Variants in CUL5 observed in about 807,000 individuals in gnomAD.
CUL5 encodes cullin-5.
In CUL5, 26 loss-of-function variants were observed where a neutral mutation model predicts 108.8. That is an observed-to-expected ratio of 0.24 (90% CI 0.18 to 0.33). The LOEUF (loss-of-function observed/expected upper bound fraction) is 0.33. CUL5 is among the 10% of genes least tolerant of loss of function. The pLI is 1.00. For synonymous variants in CUL5, 334 were observed against 298.0 expected (o/e 1.12, Z -1.25); for missense variants, 524 against 909.2 (o/e 0.58, Z 5.45).
chr11:108,012,858 A>C (rs534101163), intron 1 of CUL5, among the ~76,000 whole-genome samples: 1 of 152,086 alleles, frequency 6.6e-6, no homozygotes, highest in Non-Finnish European at 1.5e-5. Context: ...CGGCCACCCA[A>C]AGTGTTGGGA....
intron 11 of CUL5, among the ~76,000 whole-genome samples, chr11:108,081,226 C>T (rs1864074395): frequency 4.0e-5 from 6 of 151,120 alleles, no homozygotes; most frequent in African/African-American, 1.2e-4. Context: ...AGGTGGAGGT[C>T]GCAGTGAGCC....
chr11:108,033,296 T>C (rs956270350), intron 1 of CUL5, among the ~76,000 whole-genome samples: 4 of 152,158 alleles, frequency 2.6e-5, no homozygotes, highest in African/African-American at 9.7e-5. Flanking sequence ...CTTATTCACA[T>C]AGGTGTGATT....
chr11:108,090,728 T>G (rs1422208444), intron 13 of CUL5, among the ~76,000 whole-genome samples: 1 of 152,130 alleles, frequency 6.6e-6, no homozygotes, highest in South Asian at 2.1e-4. Flanking sequence ...GTAAATATCT[T>G]TAATTTCTGT....
chr11:108,058,825 C>A (rs932306080), intron 7 of CUL5, among the ~76,000 whole-genome samples: 3 of 152,086 alleles, frequency 2.0e-5, no homozygotes, highest in Admixed American at 2.0e-4. Flanking sequence ...ATTTTACATA[C>A]AATTCTAATA....
rs1276244467 is a variant in CUL5 at position 108,107,493 on chromosome 11, A to G, written c.*3109A>G. 1 of 152,654 alleles carries G rather than the reference A, an allele frequency of 6.6e-6. No individual in the cohort carries two copies. The highest frequency in any genetic ancestry group is 1.5e-5 in the Non-Finnish European group (1 of 68,030). The allele number at this position is 152,654 out of a possible 1,614,324, so 9.5% of individuals were successfully genotyped here. A position where few individuals can be genotyped will look rare whatever the true frequency, so the allele number is the denominator to read the frequency against. ...GTCATGTTTGTGAAATAAACATTAC[A>G]TGAGAGCTTTCCTGTCATCTACACT... On this transcript the variant is annotated 3_prime_UTR_variant, in exon 19 of 19. Transcript: ENST00000393094.
At chr11:108,046,813 C>T (rs1331460985) in intron 3 of CUL5, among the ~76,000 whole-genome samples, 2 of 152,178 alleles carry the variant, frequency 1.3e-5, no homozygotes, top group Non-Finnish European at 2.9e-5. Flanking sequence ...AGCACTCTTA[C>T]ATTGCTGTTA....
intron 18 of CUL5, among the ~76,000 whole-genome samples, chr11:108,102,283 C>T (rs1162846703): frequency 6.6e-6 from 1 of 151,862 alleles, no homozygotes. Context: ...TCCCCTTGGC[C>T]TCCTAAAGTG....
At chr11:108,048,534 C>CTAT (rs1863122343) in intron 3 of CUL5, among the ~76,000 whole-genome samples, 1 of 152,034 alleles carries the variant, frequency 6.6e-6, no homozygotes, top group African/African-American at 2.4e-5. Context: ...TCTACAATAC[C>CTAT]TATTCATGGA....
intron 7 of CUL5, among the ~76,000 whole-genome samples, chr11:108,060,813 C>G (rs572012479): frequency 4.0e-5 from 6 of 151,420 alleles, no homozygotes; most frequent in Non-Finnish European, 7.4e-5. Flanking sequence ...GCTTGGGCAA[C>G]GAGTGAAACT....
At chr11:108,020,356 TG>T (rs1209282842) in intron 1 of CUL5, among the ~76,000 whole-genome samples, 1 of 152,100 alleles carries the variant, frequency 6.6e-6, no homozygotes, top group Non-Finnish European at 1.5e-5. Flanking sequence ...TGGGACAAGA[TG>T]TGAAGGTTGA....
At position 108,022,703 on chromosome 11, in the gene CUL5, G is replaced by A. The variant is rs954570710; in HGVS notation, c.25-11099G>A. On this transcript the variant is annotated intron_variant, in intron 1 of 18. Coordinates refer to ENST00000393094, the MANE Select transcript of CUL5 (RefSeq NM_003478.6). Reference sequence around the variant, plus strand: ...CCCTCCCTCCTTGGTCTGGGCAAATGATGGTACAGTATTTAGGCCTGAAGC... The same window carrying A: ...CCCTCCCTCCTTGGTCTGGGCAAATAATGGTACAGTATTTAGGCCTGAAGC... 5.3e-5 allele frequency among the ~76,000 whole-genome samples: 8 copies of A among 152,278 alleles called. No individual in the cohort carries two copies. The South Asian group carries it at 1.2e-3, about 24-fold the overall frequency.
At chr11:108,087,614 T>G (rs567500545) in intron 11 of CUL5, among the ~76,000 whole-genome samples, 3 of 152,038 alleles carry the variant, frequency 2.0e-5, no homozygotes, top group Non-Finnish European at 4.4e-5. Flanking sequence ...ATTTTTTAAT[T>G]TGTGTATGTT....
intron 13 of CUL5, among the ~76,000 whole-genome samples, chr11:108,091,367 T>TAA (rs35939930): frequency 6.7e-5 from 10 of 148,960 alleles, no homozygotes; most frequent in Admixed American, 2.0e-4. Flanking sequence ...ATTTCTTTGT[T>TAA]AAAAAAAAAA....
At chr11:108,046,615 T>C in intron 3 of CUL5, 1 of 307,152 alleles carries the variant, frequency 3.3e-6, no homozygotes, top group Non-Finnish European at 6.0e-6. Flanking sequence ...GAATTCAGTT[T>C]TTTATATTTT....
At chr11:108,052,903 AC>A (rs1324666845) in intron 5 of CUL5, 102 bp downstream of exon 5, 10 of 974,984 alleles carry the variant, frequency 1.0e-5, no homozygotes, top group Non-Finnish European at 1.4e-5. Context: ...ATACAAAGTT[AC>A]ATCTACTTTT....
chr11:108,082,733 C>T (rs904605808), intron 11 of CUL5, among the ~76,000 whole-genome samples: 1 of 152,124 alleles, frequency 6.6e-6, no homozygotes, highest in Non-Finnish European at 1.5e-5. Context: ...CAGCCTTCGC[C>T]TCCTGGGCTC....
rs1271768060 is a variant in CUL5 at position 108,065,669 on chromosome 11, G to A, written c.781-4427G>A. Among the ~76,000 whole-genome samples, 4 of 152,288 alleles carry A rather than the reference G, an allele frequency of 2.6e-5. No homozygotes were observed. The South Asian group carries it at 8.3e-4, about 32-fold the overall frequency. On this transcript the variant is annotated intron_variant, in intron 7 of 18. Transcript: ENST00000393094. ...TCCATGCCATACAGCTGCTGCTGGG[G>A]GATGAGGGAGGGGTAACATTGGCGA...
At position 108,094,682 on chromosome 11, in the gene CUL5, T is replaced by TC. The variant is rs144407013; in HGVS notation, c.1568-129dup. On this transcript the variant is annotated intron_variant, in intron 14 of 18. Transcript: ENST00000393094. ...TGTGTTAGATTTACAGATCTTTATT[T>TC]CAAAACAAAAGGACACTTTTAACAA... 256 of 872,982 alleles carry TC rather than the reference T, an allele frequency of 2.9e-4. 1 individual carries two copies. The East Asian group carries it at 6.5e-3, about 22-fold the overall frequency. 54.1% of individuals were successfully genotyped at this position (872,982 alleles called of 1,614,324 possible).
At chr11:108,103,492 A>G (rs1324445814) in intron 18 of CUL5, among the ~76,000 whole-genome samples, 4 of 152,196 alleles carry the variant, frequency 2.6e-5, no homozygotes, top group African/African-American at 9.6e-5. Context: ...TAATTAATTA[A>G]TCTGGTAAAT....
Sources: gnomAD v4.1 joint callset for allele counts (sites outside exome capture counted in the v4.1 genomes callset) on GRCh38, gnomAD v4.1.1 for gene constraint, MANE v1.5 for transcripts, NCBI Gene and HGNC (gene_info 2026-07-23, HGNC 2026-07-21) for gene names.